The following ANKHD1 variants were observed in gnomAD, a reference collection of about 807,000 sequenced individuals.
The protein encoded by ANKHD1 is ankyrin repeat and KH domain-containing protein 1.
Under a neutral mutation model 230.5 loss-of-function variants are expected in ANKHD1, and 31 were observed. That is an observed-to-expected ratio of 0.13 (90% CI 0.10 to 0.18). The LOEUF (loss-of-function observed/expected upper bound fraction) is 0.18. Ranked by LOEUF, ANKHD1 falls within the 10% of genes least tolerant of loss-of-function variation. ANKHD1 has a pLI of 1.00. For missense variants in ANKHD1, 2,256 were observed against 3,071.3 expected, an observed-to-expected ratio of 0.73 and a Z score of 6.27; for synonymous variants, 1,074 against 1,117.6, an observed-to-expected ratio of 0.96 and a Z score of 0.78.
chr5:140,458,885 A>T (rs779822603), intron 8 of ANKHD1, 23 bp downstream of exon 8: 2 of 1,572,308 alleles, frequency 1.3e-6, no homozygotes, highest in South Asian at 2.3e-5. Flanking sequence ...TACTTCTTTT[A>T]GAAAAATCAG....
intron 1 of ANKHD1, among the ~76,000 whole-genome samples, chr5:140,434,714 C>A (rs780000330): frequency 6.6e-6 from 1 of 151,676 alleles, no homozygotes; most frequent in African/African-American, 2.4e-5. Flanking sequence ...CACAGTTGAG[C>A]CAGTGGTCAC....
intron 23 of ANKHD1, among the ~76,000 whole-genome samples, 162 bp downstream of exon 23, chr5:140,513,085 T>C (rs1191819308): frequency 6.6e-6 from 1 of 152,228 alleles, no homozygotes; most frequent in Non-Finnish European, 1.5e-5. Flanking sequence ...ATAATACTTT[T>C]GATAAACTAT....
chr5:140,500,029 C>T (rs777772230), intron 15 of ANKHD1, among the ~76,000 whole-genome samples: 1 of 151,978 alleles, frequency 6.6e-6, no homozygotes, highest in African/African-American at 2.4e-5. Flanking sequence ...CCACCACACC[C>T]AGCTAATTTT....
At chr5:140,539,292 T>C (rs1269237471) in intron 33 of ANKHD1, 67 bp from the exon 34 acceptor site, 1 of 1,607,074 alleles carries the variant, frequency 6.2e-7, no homozygotes, top group East Asian at 2.2e-5. Context: ...ATTGCATTTA[T>C]ATATTCATTT....
intron 7 of ANKHD1, among the ~76,000 whole-genome samples, chr5:140,453,470 C>T (rs942836326): frequency 3.3e-5 from 5 of 152,104 alleles, no homozygotes. Context: ...TGAGAGAGGT[C>T]GGGTTACCCA....
Position 140,526,836 on chromosome 5 carries a change from T to G in ANKHD1, c.4941-92T>G, listed in dbSNP as rs1753627838. 4 of 1,448,648 alleles carry G rather than the reference T, an allele frequency of 2.8e-6. No homozygotes were observed. The East Asian group carries it at 9.8e-5, about 35-fold the overall frequency. The allele number at this position is 1,448,648 out of a possible 1,614,324, so 89.7% of individuals were successfully genotyped here. ...GATGTGCCAAAGTTTAATACGAATA[T>G]TTCAGCGTAACTCTGGCTATAAAGG... is the stretch of plus-strand genomic sequence containing the variant. On this transcript the variant is annotated intron_variant, in intron 26 of 33. Coordinates refer to ENST00000360839, the MANE Select transcript of ANKHD1 (RefSeq NM_017747.3).
chr5:140,483,863 AAT>A (rs1287689303), intron 11 of ANKHD1, among the ~76,000 whole-genome samples: 1 of 152,136 alleles, frequency 6.6e-6, no homozygotes, highest in Non-Finnish European at 1.5e-5. Flanking sequence ...ATCTTTACAT[AAT>A]ATAGTCTGTA....
Position 140,506,956 on chromosome 5 carries a change from C to G in ANKHD1, c.3530C>G (p.Ala1177Gly). Residue 1177 changes from alanine to glycine, a missense_variant, in exon 19 of 34, where the codon GCT (alanine) becomes GGT (glycine). Ala to Gly is a moderately conservative substitution (Grantham distance 60, BLOSUM62 0). Transcript: ENST00000360839. The surrounding 1 kb of genome is among the most constrained non-coding windows in gnomAD (Gnocchi z 4.7). ...AATATCATTAAGATTCTGCTTAATG[C>G]TGGGGCAGAAATTAATTCAAGGTAT... ...YVNIIKILLNAGAEINSRTGS... is the reference protein window; with the variant it reads ...YVNIIKILLNGGAEINSRTGS... 1.2e-6 allele frequency: 2 copies of G among 1,613,690 alleles called. No individual in the cohort carries two copies. The highest frequency in any genetic ancestry group is 1.7e-6 in the Non-Finnish European group (2 of 1,179,894).
At chr5:140,404,012 T>C (rs1770209992) in intron 1 of ANKHD1, among the ~76,000 whole-genome samples, 1 of 152,204 alleles carries the variant, frequency 6.6e-6, no homozygotes, top group Admixed American at 6.5e-5. Flanking sequence ...AAAAAGTGTG[T>C]GGGTTATAAG....
intron 1 of ANKHD1, among the ~76,000 whole-genome samples, chr5:140,404,428 T>G (rs1770242613): frequency 6.6e-6 from 1 of 151,246 alleles, no homozygotes; most frequent in African/African-American, 2.4e-5. Context: ...AATTTTAATT[T>G]TTTGTTTTTT....
intron 22 of ANKHD1, among the ~76,000 whole-genome samples, chr5:140,511,356 GC>G (rs1241619802): frequency 1.3e-5 from 2 of 152,096 alleles, no homozygotes; most frequent in African/African-American, 4.8e-5. Flanking sequence ...ATTTTCAACT[GC>G]CTCAGGGCCT....
chr5:140,436,430 A>G (rs1212183038), intron 2 of ANKHD1, among the ~76,000 whole-genome samples, 173 bp downstream of exon 2: 2 of 152,188 alleles, frequency 1.3e-5, no homozygotes, highest in East Asian at 3.8e-4. Context: ...TCTGGGCTCA[A>G]CTCATATATT....
rs1211553856 is a variant in ANKHD1 at position 140,401,878 on chromosome 5, T to A, written c.-90T>A. The A allele has an allele frequency of 6.8e-7, 1 of 1,466,454 alleles. No homozygotes were observed. The highest frequency in any genetic ancestry group is 9.0e-7 in the Non-Finnish European group (1 of 1,116,260). The allele number at this position is 1,466,454 out of a possible 1,614,324, so 90.8% of individuals were successfully genotyped here. On this transcript the variant is annotated 5_prime_UTR_variant, in exon 1 of 34. Transcript: ENST00000360839. ...GCTGGGACGGGGGAAAGGAGACGCT[T>A]CTTCCTCTTGCTGCTCTTCTCGTTC... is the stretch of plus-strand genomic sequence containing the variant.
intron 1 of ANKHD1, among the ~76,000 whole-genome samples, chr5:140,427,354 G>A (rs1172009655): frequency 3.6e-5 from 5 of 137,546 alleles, no homozygotes; most frequent in Non-Finnish European, 6.3e-5. Context: ...CGGACGGGGC[G>A]GCTGGCCAGG....
chr5:140,433,120 G>A (rs1223674968), intron 1 of ANKHD1, among the ~76,000 whole-genome samples: 2 of 151,820 alleles, frequency 1.3e-5, no homozygotes, highest in African/African-American at 4.8e-5. Flanking sequence ...CCAGGCTGGA[G>A]TGCAGTGCCA....
rs895075942 is a variant in ANKHD1, at chr5:140,519,865, T to A, written c.4318-4201T>A. On this transcript the variant is annotated intron_variant, in intron 24 of 33. Coordinates refer to ENST00000360839, the MANE Select transcript of ANKHD1 (RefSeq NM_017747.3). Reference sequence around the variant, plus strand: ...GGCATTACCATTCAGGACATAGGCATGGGCAAGGACCTCATGTCTAAAACA... The same window carrying A: ...GGCATTACCATTCAGGACATAGGCAAGGGCAAGGACCTCATGTCTAAAACA... Among the ~76,000 whole-genome samples, 19 of 152,086 alleles carry A rather than the reference T, an allele frequency of 1.2e-4. 1 individual carries two copies. The highest frequency in any genetic ancestry group is 4.6e-4 in the African/African-American group (19 of 41,414).
intron 1 of ANKHD1, among the ~76,000 whole-genome samples, chr5:140,419,077 A>G (rs1771647064): frequency 6.6e-6 from 1 of 152,104 alleles, no homozygotes; most frequent in South Asian, 2.1e-4. Flanking sequence ...CCTACCAGCA[A>G]TGTACAAGAG....
intron 1 of ANKHD1, among the ~76,000 whole-genome samples, chr5:140,411,519 T>G (rs879109700): frequency 1.3e-5 from 2 of 151,026 alleles, no homozygotes; most frequent in Admixed American, 1.3e-4. Context: ...TTTTGGCTGT[T>G]TTTTTTTTGG....
At chr5:140,443,351 G>C (rs540857008) in intron 5 of ANKHD1, among the ~76,000 whole-genome samples, 1 of 151,958 alleles carries the variant, frequency 6.6e-6, no homozygotes, top group Non-Finnish European at 1.5e-5. Flanking sequence ...CAATTGCTTT[G>C]TTCTGGTTAA....
Sources: gnomAD v4.1 joint callset for allele counts (sites outside exome capture counted in the v4.1 genomes callset) on GRCh38, gnomAD v4.1.1 for gene constraint, Gnocchi (gnomAD v3.1) non-coding constraint, MANE v1.5 for transcripts, NCBI Gene and HGNC (gene_info 2026-07-23, HGNC 2026-07-21) for gene names.